Variants in SRR observed in about 807,000 individuals in gnomAD.
The protein encoded by SRR is serine racemase.
SRR carries 19 observed loss-of-function variants against 32.7 expected under a neutral mutation model. That is an observed-to-expected ratio of 0.58 (90% CI 0.40 to 0.85). The LOEUF (loss-of-function observed/expected upper bound fraction) is 0.85. Ranked by LOEUF, SRR falls within the 40% of genes least tolerant of loss-of-function variation. SRR has a pLI of 0.00. For missense variants in SRR, 373 were observed against 404.7 expected, an observed-to-expected ratio of 0.92 and a Z score of 0.67; for synonymous variants, 142 against 140.9, an observed-to-expected ratio of 1.01 and a Z score of -0.06.
chr17:2,317,936 G>A lies in SRR; in HGVS notation c.235G>A (p.Val79Ile), dbSNP rs2075490851. The A allele has an allele frequency of 6.2e-7, 1 of 1,613,906 alleles. No individual in the cohort carries two copies. Residue 79 changes from valine to isoleucine, a missense_variant, in exon 3 of 8, where the codon GTT becomes ATT. Val to Ile is a conservative substitution (Grantham distance 29). Transcript: ENST00000344595. Reference protein sequence around the residue: ...PDALERKPKAVVTHSSGNHGQ... With the variant: ...PDALERKPKAIVTHSSGNHGQ... ...TGCTTTAGAAAGGAAGCCGAAAGCT[G>A]TTGTTACTCACAGCAGTGGAAACCA...
rs932799814 is a variant in SRR, at chr17:2,315,798, G to T, written c.168+70G>T. ...TTTCACATATCAGTTTGATTCTCCT[G>T]ACCACCCAATGAGATAGGCAGAAGT... On this transcript the variant is annotated intron_variant, in intron 2 of 7. Coordinates refer to ENST00000344595, the MANE Select transcript of SRR (RefSeq NM_021947.3). The T allele has an allele frequency of 2.8e-6, 4 of 1,438,840 alleles. No individual in the cohort carries two copies. The African/African-American group carries it at 5.6e-5, about 20-fold the overall frequency. The allele number at this position is 1,438,840 out of a possible 1,614,324, so 89.1% of individuals were successfully genotyped here. A position where few individuals can be genotyped will look rare whatever the true frequency, so the allele number is the denominator to read the frequency against.
chr17:2,311,300 C>G (rs2075432196), intron 1 of SRR, among the ~76,000 whole-genome samples: 1 of 152,074 alleles, frequency 6.6e-6, no homozygotes, highest in Non-Finnish European at 1.5e-5. Context: ...AATCCTCCTG[C>G]CACTGTGCCC....
Position 2,318,828 on chromosome 17 carries a change from AT to A in SRR, c.300del (p.Pro101LeufsTer59). The A allele has an allele frequency of 6.2e-7, 1 of 1,612,062 alleles. No individual in the cohort carries two copies. The highest frequency in any genetic ancestry group is 8.5e-7 in the Non-Finnish European group (1 of 1,178,602). On this transcript the variant is annotated frameshift_variant, in exon 4 of 8. Coordinates refer to ENST00000344595, the MANE Select transcript of SRR (RefSeq NM_021947.3). LOFTEE classifies it high-confidence loss of function. ...ALTYAAKLEG[I>X]PAYIVVPQTA... ...TTCCTCTCGTTTTCCTCTCCCAGGA[AT>A]TCCTGCTTATATTGTGGTGCCCCAG...
chr17:2,322,897 T>C (rs546842781), intron 6 of SRR: 45 of 463,818 alleles, frequency 9.7e-5, no homozygotes, highest in African/African-American at 8.7e-4. Context: ...CTTGAGTAGC[T>C]GGGATTACAG....
rs1219495215 is a variant in SRR, at chr17:2,324,767, T to C, written c.*894T>C. Reference sequence around the variant, plus strand: ...GGATGACCACTCAGAACAACTCTCTTGATGACCATTCTGTCTGGATCTACT... The same window carrying C: ...GGATGACCACTCAGAACAACTCTCTCGATGACCATTCTGTCTGGATCTACT... On this transcript the variant is annotated 3_prime_UTR_variant, in exon 8 of 8. Coordinates refer to ENST00000344595, the MANE Select transcript of SRR (RefSeq NM_021947.3). The C allele has an allele frequency of 6.2e-7, 1 of 1,614,068 alleles. No individual in the cohort carries two copies. Among genetic ancestry groups the C allele is most frequent in the Non-Finnish European group, 8.5e-7 (1 of 1,180,010 alleles).
At chr17:2,313,296 G>A (rs1317224901) in intron 1 of SRR, among the ~76,000 whole-genome samples, 2 of 151,886 alleles carry the variant, frequency 1.3e-5, no homozygotes, top group Non-Finnish European at 2.9e-5. Context: ...TGGGTGTGGT[G>A]GCAGGCGCCT....
rs2075466869 is a variant in SRR at position 2,315,609 on chromosome 17, A to C, written c.49A>C (p.Ile17Leu). Residue 17 changes from isoleucine to leucine, a missense_variant, in exon 2 of 8, where the codon ATC (isoleucine) becomes CTC (leucine). Physicochemically the swap from Ile to Leu is conservative, Grantham distance 5. Transcript: ENST00000344595. ...ISFADVEKAH[I>L]NIRDSIHLTP... Reference sequence around the variant, plus strand: ...CTTTGCTGATGTTGAAAAAGCTCATATCAACATTCGAGATTCTATCCACCT... The same window carrying C: ...CTTTGCTGATGTTGAAAAAGCTCATCTCAACATTCGAGATTCTATCCACCT... 1.2e-6 allele frequency: 2 copies of C among 1,613,950 alleles called. No homozygotes were observed. The highest frequency in any genetic ancestry group is 1.1e-5 in the South Asian group (1 of 91,074).
intron 4 of SRR, among the ~76,000 whole-genome samples, chr17:2,320,583 A>AG (rs1370403420): frequency 2.0e-5 from 3 of 149,936 alleles, no homozygotes; most frequent in Non-Finnish European, 4.4e-5. Context: ...ATTTTGAGAC[A>AG]GGGTCTCACT....
chr17:2,317,228 AAG>A, intron 2 of SRR, among the ~76,000 whole-genome samples: 1 of 136,252 alleles, frequency 7.3e-6, no homozygotes, highest in Non-Finnish European at 1.6e-5. Flanking sequence ...AAAAAAAAAA[AAG>A]GCCGGGTGCG....
intron 1 of SRR, among the ~76,000 whole-genome samples, chr17:2,305,488 A>G (rs2075381515): frequency 6.6e-6 from 1 of 152,220 alleles, no homozygotes; most frequent in African/African-American, 2.4e-5. Context: ...GAAGGGGTAC[A>G]AAAAATTAAT....
At chr17:2,320,056 G>T (rs2075512843) in intron 4 of SRR, among the ~76,000 whole-genome samples, 1 of 150,360 alleles carries the variant, frequency 6.7e-6, no homozygotes, top group African/African-American at 2.4e-5. Flanking sequence ...CTGACCTCGT[G>T]ATCCACCCAC....
At chr17:2,320,527 T>A (rs1286822492) in intron 4 of SRR, among the ~76,000 whole-genome samples, 11 of 151,696 alleles carry the variant, frequency 7.3e-5, no homozygotes, top group Non-Finnish European at 1.0e-4. Flanking sequence ...GTGCTGGGAT[T>A]ACAAGTGTGA....
At chr17:2,312,561 C>T (rs957021947) in intron 1 of SRR, among the ~76,000 whole-genome samples, 2 of 151,976 alleles carry the variant, frequency 1.3e-5, no homozygotes, top group African/African-American at 2.4e-5. Context: ...CACCACTGCA[C>T]TCCAGCCTGG....
At chr17:2,317,205 G>C (rs1449365881) in intron 2 of SRR, among the ~76,000 whole-genome samples, 1 of 85,542 alleles carries the variant, frequency 1.2e-5, no homozygotes, top group Non-Finnish European at 2.5e-5. Flanking sequence ...TCCATCTCGG[G>C]GGAAAAAAAA....
At chr17:2,303,603 C>T (rs774039249), upstream of SRR, 12 of 1,413,162 alleles carry the variant, frequency 8.5e-6, no homozygotes, top group South Asian at 1.7e-4. Flanking sequence ...GCGGGCAGGC[C>T]CGGCCCAGGA....
rs186652138 is a variant in SRR at position 2,315,383 on chromosome 17, C to T, written c.-4-174C>T. The T allele has an allele frequency of 1.5e-4, 81 of 555,926 alleles. No homozygotes were observed. The African/African-American group carries it at 1.5e-3, about 10-fold the overall frequency. The allele number at this position is 555,926 out of a possible 1,614,324, so 34.4% of individuals were successfully genotyped here. ...CCTCAAAGCTTCACCAGAAAAACTT[C>T]GTTCAGCTTTTAAGTCAACTCTCTT... On this transcript the variant is annotated intron_variant, in intron 1 of 7. Coordinates refer to ENST00000344595, the MANE Select transcript of SRR (RefSeq NM_021947.3).
chr17:2,314,152 T>C (rs956884962), intron 1 of SRR, among the ~76,000 whole-genome samples: 2 of 152,126 alleles, frequency 1.3e-5, no homozygotes, highest in African/African-American at 4.8e-5. Context: ...ATAATGTATA[T>C]TGAGAATGCA....
chr17:2,323,615 C>CT (rs2075553306), intron 7 of SRR, 40 bp from the exon 8 acceptor site: 1 of 1,596,930 alleles, frequency 6.3e-7, no homozygotes, highest in Non-Finnish European at 8.6e-7. Context: ...ACCAACTAGA[C>CT]TCCCCTTTCA....
chr17:2,309,906 C>A (rs2075421412), intron 1 of SRR: 1 of 152,162 alleles, frequency 6.6e-6, no homozygotes, highest in Non-Finnish European at 1.5e-5. Flanking sequence ...AACATACGAG[C>A]TGTCAGCAGC....
Sources: gnomAD v4.1 joint callset for allele counts (sites outside exome capture counted in the v4.1 genomes callset) on GRCh38, gnomAD v4.1.1 for gene constraint, MANE v1.5 for transcripts, NCBI Gene and HGNC (gene_info 2026-07-23, HGNC 2026-07-21) for gene names.